Variants in ROBO1 observed in about 807,000 individuals in gnomAD.
ROBO1 encodes roundabout guidance receptor 1.
A neutral mutation model predicts 195.9 loss-of-function variants in ROBO1; 149 were observed. That is an observed-to-expected ratio of 0.76 (90% CI 0.67 to 0.87). The LOEUF (loss-of-function observed/expected upper bound fraction) is 0.87. ROBO1 is among the 40% of genes least tolerant of loss of function. ROBO1 has a pLI of 0.00. For missense variants in ROBO1, 1,933 were observed against 2,068.3 expected, an observed-to-expected ratio of 0.93 and a Z score of 1.27; for synonymous variants, 816 against 733.2, an observed-to-expected ratio of 1.11 and a Z score of -1.82.
intron 8 of ROBO1, among the ~76,000 whole-genome samples, chr3:78,711,335 C>CCTCCTTT (rs2081691098): frequency 9.6e-6 from 1 of 104,362 alleles, no homozygotes; most frequent in African/African-American, 4.2e-5. Context: ...CTCCTTCCTT[C>CCTCCTTT]CTTCCTTCCT....
intron 2 of ROBO1, among the ~76,000 whole-genome samples, chr3:79,343,578 G>C (rs2034993703): frequency 6.6e-6 from 1 of 152,144 alleles, no homozygotes; most frequent in Non-Finnish European, 1.5e-5. Flanking sequence ...GAGACATTGA[G>C]AAAGTTAGTG....
chr3:78,976,013 G>A (rs973562894), intron 3 of ROBO1, among the ~76,000 whole-genome samples: 2 of 152,034 alleles, frequency 1.3e-5, no homozygotes, highest in African/African-American at 4.8e-5. Flanking sequence ...TTGTTCTTTT[G>A]TTAATTGTGT....
chr3:79,297,937 T>C (rs1163451908), intron 2 of ROBO1, among the ~76,000 whole-genome samples: 1 of 152,112 alleles, frequency 6.6e-6, no homozygotes, highest in Non-Finnish European at 1.5e-5. Context: ...ATCATTAAAG[T>C]GATACACTCT....
chr3:79,626,894 G>A (rs186097992), intron 1 of ROBO1, among the ~76,000 whole-genome samples: 4 of 152,076 alleles, frequency 2.6e-5, no homozygotes, highest in South Asian at 2.1e-4. Context: ...AATGAACTCC[G>A]ATTCACAATT....
Position 78,996,606 on chromosome 3 carries a change from T to A in ROBO1, c.173-57679A>T, listed in dbSNP as rs75752494. Among the ~76,000 whole-genome samples the A allele has an allele frequency of 2.4e-3, 361 of 152,210 alleles. 3 individuals carry two copies. The highest frequency in any genetic ancestry group is 0.012 in the South Asian group (58 of 4,818). On this transcript the variant is annotated intron_variant, in intron 3 of 30. Coordinates refer to ENST00000464233, the MANE Select transcript of ROBO1 (RefSeq NM_002941.4). ...TTTAGTCGACAAGGAACGGCTTTAC[T>A]GATGTATTGATAAAACCCATTTTCA...
intron 3 of ROBO1, among the ~76,000 whole-genome samples, chr3:79,110,658 C>CTG (rs2079869667): frequency 7.0e-6 from 1 of 143,576 alleles, no homozygotes; most frequent in South Asian, 2.2e-4. Context: ...GGGTCTTGCT[C>CTG]TGTGCCCAGG....
In ROBO1 at chr3:78,897,188, G is replaced by C. The variant is rs577444779; in HGVS notation, c.499+41413C>G. Among the ~76,000 whole-genome samples the C allele has an allele frequency of 4.6e-5, 7 of 152,272 alleles. No individual in the cohort carries two copies. The South Asian group carries it at 1.5e-3, about 32-fold the overall frequency. On this transcript the variant is annotated intron_variant, in intron 4 of 30. Transcript: ENST00000464233. ...AGACCAGTGATTCAAAAACTTGGCT[G>C]AGCAATACAATCACCTGGGACCTTT...
At chr3:78,936,655 G>C (rs328049) in intron 4 of ROBO1, among the ~76,000 whole-genome samples, 1 of 151,830 alleles carries the variant, frequency 6.6e-6, no homozygotes, top group African/African-American at 2.4e-5. Flanking sequence ...AGACATATTT[G>C]TAAGTATATG....
chr3:78,647,479 C>T, intron 20 of ROBO1, 150 bp downstream of exon 20: 1 of 755,664 alleles, frequency 1.3e-6, no homozygotes, highest in Admixed American at 2.1e-5. Context: ...ACCTTAAACA[C>T]ATGCCTGGTG....
chr3:78,757,344 TA>T (rs2082961090), intron 4 of ROBO1, among the ~76,000 whole-genome samples: 1 of 152,170 alleles, frequency 6.6e-6, no homozygotes, highest in African/African-American at 2.4e-5. Flanking sequence ...TTTATTTTCA[TA>T]AAGACACACA....
At chr3:79,752,920 A>G (rs1360041713) in intron 1 of ROBO1, among the ~76,000 whole-genome samples, 1 of 152,196 alleles carries the variant, frequency 6.6e-6, no homozygotes, top group African/African-American at 2.4e-5. Flanking sequence ...GCTTAATTTA[A>G]AAGACCGGAG....
rs181845897 is a variant in ROBO1, at chr3:79,682,995, G to A, written c.-51+84757C>T. 4.2e-3 allele frequency among the ~76,000 whole-genome samples: 633 copies of A among 151,892 alleles called. 8 individuals carry two copies. The highest frequency in any genetic ancestry group is 0.015 in the African/African-American group (607 of 41,496). On this transcript the variant is annotated intron_variant, in intron 1 of 30. Coordinates refer to ENST00000464233, the MANE Select transcript of ROBO1 (RefSeq NM_002941.4). ...AAATGTAAAAGACATATAGGATATAGCAATAGTTTTAGAAGTATTTTTAAT... is the reference window on the plus strand; with the variant it reads ...AAATGTAAAAGACATATAGGATATAACAATAGTTTTAGAAGTATTTTTAAT...
intron 2 of ROBO1, among the ~76,000 whole-genome samples, chr3:79,211,800 G>A (rs2081969806): frequency 6.6e-6 from 1 of 152,256 alleles, no homozygotes; most frequent in Admixed American, 6.5e-5. Context: ...CTTGGTAGGG[G>A]AGACCCTAAC....
chr3:79,579,113 T>G (rs1943581621), intron 2 of ROBO1, among the ~76,000 whole-genome samples: 1 of 152,222 alleles, frequency 6.6e-6, no homozygotes, highest in South Asian at 2.1e-4. Context: ...GCAGTAATTT[T>G]GATGTGACTG....
At chr3:78,975,645 A>G (rs1356518601) in intron 3 of ROBO1, among the ~76,000 whole-genome samples, 1 of 152,190 alleles carries the variant, frequency 6.6e-6, no homozygotes, top group East Asian at 1.9e-4. Context: ...CAAGCTTTTA[A>G]TAAGTTTCTT....
At chr3:78,995,299 A>G (rs1362064484) in intron 3 of ROBO1, among the ~76,000 whole-genome samples, 1 of 152,126 alleles carries the variant, frequency 6.6e-6, no homozygotes, top group Non-Finnish European at 1.5e-5. Context: ...ACAAATCCAA[A>G]GGGTGATATC....
At chr3:79,324,994 A>G (rs2034143367) in intron 2 of ROBO1, among the ~76,000 whole-genome samples, 1 of 152,202 alleles carries the variant, frequency 6.6e-6, no homozygotes. Context: ...GACAGAGTCA[A>G]TAGTGGAAGG....
intron 2 of ROBO1, among the ~76,000 whole-genome samples, chr3:79,190,398 A>G (rs1442988366): frequency 1.3e-5 from 2 of 151,636 alleles, no homozygotes; most frequent in Non-Finnish European, 3.0e-5. Flanking sequence ...TTAATTTTGA[A>G]TAACTGCATG....
At chr3:79,674,414 T>C (rs1946721449) in intron 1 of ROBO1, among the ~76,000 whole-genome samples, 1 of 151,988 alleles carries the variant, frequency 6.6e-6, no homozygotes, top group Admixed American at 6.6e-5. Flanking sequence ...TTTTGGGTTT[T>C]GTTCTTGGTT....
Sources: allele counts gnomAD v4.1 joint callset (sites outside exome capture counted in the v4.1 genomes callset), GRCh38; gene constraint gnomAD v4.1.1; transcripts MANE v1.5; gene names NCBI Gene and HGNC (gene_info 2026-07-23, HGNC 2026-07-21).